The following BRD4 variants were observed in gnomAD, a reference collection of about 807,000 sequenced individuals.
BRD4 encodes the protein bromodomain-containing protein 4.
Under a neutral mutation model 142.1 loss-of-function variants are expected in BRD4, and 16 were observed. The ratio of observed to expected loss-of-function variants is 0.11; its 90% confidence interval spans 0.08 to 0.17. The LOEUF is 0.17. Among genes scored for constraint, BRD4 ranks in the 10% least tolerant of loss-of-function variants. The pLI is 1.00. For synonymous variants in BRD4, 833 were observed against 707.5 expected (o/e 1.18, Z -2.82); for missense variants, 1,424 against 1,810.9 (o/e 0.79, Z 3.88).
rs753978504 is a variant in BRD4, at chr19:15,267,393, T to C, written c.559+23A>G. The C allele has an allele frequency of 2.5e-6, 4 of 1,608,722 alleles. No homozygotes were observed. The Admixed American group carries it at 6.8e-5, about 27-fold the overall frequency. ...ACAAAGGTCGGGGAGAAAGCCAATTTACTTGCTATTTCAGTACTCTACCTG... is the reference window on the plus strand; with the variant it reads ...ACAAAGGTCGGGGAGAAAGCCAATTCACTTGCTATTTCAGTACTCTACCTG... On this transcript the variant is annotated intron_variant, in intron 4 of 19. Transcript: ENST00000679869.
At chr19:15,326,894 A>G (rs1411115983) in intron 1 of BRD4, among the ~76,000 whole-genome samples, 1 of 152,206 alleles carries the variant, frequency 6.6e-6, no homozygotes. Context: ...AACTGCTTTA[A>G]AACATCACCC....
At chr19:15,283,893 C>A (rs945113268) in intron 1 of BRD4, among the ~76,000 whole-genome samples, 14 of 152,172 alleles carry the variant, frequency 9.2e-5, no homozygotes, top group Non-Finnish European at 1.3e-4. Context: ...TGACCCAACA[C>A]CCCCACCAGC....
At chr19:15,250,428 G>A (rs888837176) in intron 11 of BRD4, among the ~76,000 whole-genome samples, 1 of 152,216 alleles carries the variant, frequency 6.6e-6, no homozygotes, top group Non-Finnish European at 1.5e-5. Context: ...CTGGTTGTGT[G>A]GTAAGAACGC....
intron 1 of BRD4, among the ~76,000 whole-genome samples, chr19:15,318,082 A>T (rs2048031342): frequency 6.6e-6 from 1 of 152,234 alleles, no homozygotes; most frequent in Non-Finnish European, 1.5e-5. Context: ...CCTTTCACAG[A>T]ACTCTTTCAC....
intron 1 of BRD4, among the ~76,000 whole-genome samples, chr19:15,300,509 C>G (rs759759322): frequency 6.6e-6 from 1 of 151,944 alleles, no homozygotes; most frequent in Admixed American, 6.6e-5. Flanking sequence ...GAGCAGAGAT[C>G]GTGCCACTGC....
chr19:15,317,379 T>C (rs1168274396), intron 1 of BRD4, among the ~76,000 whole-genome samples: 1 of 152,206 alleles, frequency 6.6e-6, no homozygotes, highest in African/African-American at 2.4e-5. Flanking sequence ...TACAGCATCA[T>C]GGTTGACACA....
chr19:15,286,304 G>A (rs2047739610), intron 1 of BRD4, among the ~76,000 whole-genome samples: 1 of 152,162 alleles, frequency 6.6e-6, no homozygotes, highest in Non-Finnish European at 1.5e-5. Flanking sequence ...ACCATAATCA[G>A]GCACCGTGGT....
chr19:15,313,286 T>C (rs2145715905), intron 1 of BRD4, among the ~76,000 whole-genome samples: 1 of 148,226 alleles, frequency 6.7e-6, no homozygotes, highest in South Asian at 2.1e-4. Context: ...GGCAGGAGAA[T>C]GGTGTGAATC....
At chr19:15,289,630 G>C (rs1028546269) in intron 1 of BRD4, among the ~76,000 whole-genome samples, 1 of 151,190 alleles carries the variant, frequency 6.6e-6, no homozygotes, top group Admixed American at 6.6e-5. Context: ...TCTCAAGGTA[G>C]CTAGGTTAGT....
rs2047202972 is a variant in BRD4 at position 15,237,523 on chromosome 19, A to C, written c.*854T>G. 1 of 225,060 alleles carries C rather than the reference A, an allele frequency of 4.4e-6. No individual in the cohort carries two copies. The highest frequency in any genetic ancestry group is 1.8e-4 in the South Asian group (1 of 5,474). The allele number at this position is 225,060 out of a possible 1,614,324, so 13.9% of individuals were successfully genotyped here. A position where few individuals can be genotyped will look rare whatever the true frequency, so the allele number is the denominator to read the frequency against. On this transcript the variant is annotated 3_prime_UTR_variant, in exon 20 of 20. Coordinates refer to ENST00000679869, the MANE Select transcript of BRD4 (RefSeq NM_001379291.1). ...GCGCGGTGGCAGCCGCTGCTCAATG[A>C]GGAGACGATCACACCATTTCGGAGA...
chr19:15,260,976 A>G lies in BRD4; in HGVS notation c.1341+2444T>C, dbSNP rs76114224. On this transcript the variant is annotated intron_variant, in intron 7 of 19. Coordinates refer to ENST00000679869, the MANE Select transcript of BRD4 (RefSeq NM_001379291.1). ...TTTCTTTCTCTTAGTAAAGTAGCTC[A>G]AAACAGTCACCTTTGGTGCTGGAAG... 2.1e-3 allele frequency among the ~76,000 whole-genome samples: 313 copies of G among 152,330 alleles called. 15 individuals are homozygous for G. In the East Asian group the frequency reaches 0.054, roughly 26 times the overall value.
intron 7 of BRD4, among the ~76,000 whole-genome samples, chr19:15,261,502 AAG>A (rs1195538412): frequency 6.6e-6 from 1 of 152,076 alleles, no homozygotes; most frequent in East Asian, 1.9e-4. Context: ...GAAAGAAAGA[AAG>A]AAAGAAATTA....
At chr19:15,304,570 G>A (rs2047897563) in intron 1 of BRD4, among the ~76,000 whole-genome samples, 1 of 152,206 alleles carries the variant, frequency 6.6e-6, no homozygotes, top group South Asian at 2.1e-4. Context: ...GCCTGGCCAT[G>A]ATGCTTGTAG....
At chr19:15,313,119 C>G (rs2047986754) in intron 1 of BRD4, among the ~76,000 whole-genome samples, 1 of 151,956 alleles carries the variant, frequency 6.6e-6, no homozygotes, top group Admixed American at 6.6e-5. Context: ...CGCCCGTAAT[C>G]CCACCACTTT....
At chr19:15,279,611 C>T (rs1199059224) in intron 1 of BRD4, among the ~76,000 whole-genome samples, 1 of 152,160 alleles carries the variant, frequency 6.6e-6, no homozygotes, top group Admixed American at 6.5e-5. Flanking sequence ...GATTAGAAAG[C>T]AGGATATAGA....
At chr19:15,293,390 G>A (rs2047799246) in intron 1 of BRD4, among the ~76,000 whole-genome samples, 1 of 152,154 alleles carries the variant, frequency 6.6e-6, no homozygotes, top group Non-Finnish European at 1.5e-5. Flanking sequence ...ATCATAAGCA[G>A]ACCATTAAAA....
rs147213970 is a variant in BRD4 at position 15,311,070 on chromosome 19, C to T, written c.-35+21220G>A. ...CTTTGGGAGGCCGAGGCAGGTGGAT[C>T]CCTTGAGGCCAGGAGTTTGAGACCA... On this transcript the variant is annotated intron_variant, in intron 1 of 19. Transcript: ENST00000679869. Among the ~76,000 whole-genome samples the T allele has an allele frequency of 4.2e-4, 64 of 151,856 alleles. No individual in the cohort carries two copies. In the East Asian group the frequency reaches 0.012, roughly 28 times the overall value.
chr19:15,285,372 G>A (rs997275983), intron 1 of BRD4, among the ~76,000 whole-genome samples: 10 of 152,136 alleles, frequency 6.6e-5, no homozygotes, highest in Non-Finnish European at 1.3e-4. Context: ...TGGCAAAACC[G>A]TGTCTCTACC....
Position 15,239,156 on chromosome 19 carries a change from G to A in BRD4, c.3685C>T (p.Arg1229Cys), listed in dbSNP as rs2145499852. ...SSSDSFEQFR[R>C]AAREKEEREK... ...CGCTCCTCTTTCTCCCGAGCGGCGCGGCGGAACTGCTCGAAGCTGTCGCTG... is the reference window on the plus strand; with the variant it reads ...CGCTCCTCTTTCTCCCGAGCGGCGCAGCGGAACTGCTCGAAGCTGTCGCTG... Residue 1229 changes from arginine to cysteine, a missense_variant, in exon 18 of 20, where the codon CGC becomes TGC. By Grantham distance (180) the Arg-to-Cys change is radical. Around this residue, in one of 16 missense-constraint regions of BRD4, gnomAD observed 49 missense variants for 97.3 expected, o/e 0.50. Transcript: ENST00000679869. The surrounding 1 kb of genome is among the most constrained non-coding windows in gnomAD (Gnocchi z 7.4). The A allele has an allele frequency of 6.2e-7, 1 of 1,612,546 alleles. No individual in the cohort carries two copies. Among genetic ancestry groups the A allele is most frequent in the Non-Finnish European group, 8.5e-7 (1 of 1,179,954 alleles).
Sources: gnomAD v4.1 joint callset for allele counts (sites outside exome capture counted in the v4.1 genomes callset) on GRCh38, gnomAD v4.1.1 for gene constraint, gnomAD v4.1.1 regional missense constraint, Gnocchi (gnomAD v3.1) non-coding constraint, MANE v1.5 for transcripts, NCBI Gene and HGNC (gene_info 2026-07-23, HGNC 2026-07-21) for gene names.